ZZEF1: variants seen among roughly 807,000 people sequenced by gnomAD.
The protein encoded by ZZEF1 is zinc finger ZZ-type and EF-hand domain containing 1.
In ZZEF1, 157 loss-of-function variants were observed where a neutral mutation model predicts 342.8. That is an observed-to-expected ratio of 0.46 (90% CI 0.40 to 0.52). The LOEUF (loss-of-function observed/expected upper bound fraction) is 0.52. Ranked by LOEUF, ZZEF1 falls within the 20% of genes least tolerant of loss-of-function variation. The probability of loss-of-function intolerance (pLI) is 0.00; values close to 1 mark genes in which losing one functional copy is unlikely to be tolerated. For synonymous variants in ZZEF1, 1,505 were observed against 1,429.1 expected (o/e 1.05, Z -1.20); for missense variants, 3,480 against 3,725.6 (o/e 0.93, Z 1.72).
At chr17:4,107,477 C>G (rs575052201) in intron 6 of ZZEF1, among the ~76,000 whole-genome samples, 1 of 152,068 alleles carries the variant, frequency 6.6e-6, no homozygotes, top group South Asian at 2.1e-4. Context: ...CACAAAGGTA[C>G]GGCCTGATAT....
At chr17:4,060,577 AC>A (rs2057264252) in intron 30 of ZZEF1, among the ~76,000 whole-genome samples, 1 of 151,098 alleles carries the variant, frequency 6.6e-6, no homozygotes, top group African/African-American at 2.4e-5. Flanking sequence ...AACAACAACA[AC>A]AACAAAAAAC....
chr17:4,136,274 G>GCGC (rs2058746945), intron 1 of ZZEF1, among the ~76,000 whole-genome samples: 2 of 150,804 alleles, frequency 1.3e-5, no homozygotes, highest in Non-Finnish European at 3.0e-5. Flanking sequence ...AAACTGGGAG[G>GCGC]TGGAGGTTGC....
At chr17:4,029,402 AT>A (rs574277617) in intron 42 of ZZEF1, among the ~76,000 whole-genome samples, 138 of 152,286 alleles carry the variant, frequency 9.1e-4, no homozygotes, top group African/African-American at 3.1e-3. Flanking sequence ...CACAAGATAA[AT>A]TGGAAAATAT....
chr17:4,069,587 T>C (rs2057469045), intron 26 of ZZEF1, among the ~76,000 whole-genome samples: 2 of 152,108 alleles, frequency 1.3e-5, no homozygotes, highest in Non-Finnish European at 2.9e-5. Flanking sequence ...TCCCAGCACT[T>C]TGGGAGGCTG....
Position 4,095,995 on chromosome 17 carries a change from A to T in ZZEF1, c.1765-16T>A. The T allele has an allele frequency of 2.5e-6, 4 of 1,597,210 alleles. No homozygotes were observed. Among genetic ancestry groups the T allele is most frequent in the Non-Finnish European group, 3.4e-6 (4 of 1,170,196 alleles). On this transcript the variant is annotated splice_polypyrimidine_tract_variant and intron_variant, in intron 10 of 54. Coordinates refer to ENST00000381638, the MANE Select transcript of ZZEF1 (RefSeq NM_015113.4). ...CACGTCGAACCTGGAAACAGAGATT[A>T]GGATGAAGTCTATCAAAGGGGCAAA... is the stretch of plus-strand genomic sequence containing the variant.
At chr17:4,123,756 G>T in intron 2 of ZZEF1, 151 bp downstream of exon 2, 1 of 859,922 alleles carries the variant, frequency 1.2e-6, no homozygotes, top group Non-Finnish European at 1.7e-6. Context: ...GGATGAAAGA[G>T]ATGACTAAAG....
intron 32 of ZZEF1, among the ~76,000 whole-genome samples, chr17:4,057,307 G>A (rs539262284): frequency 1.1e-4 from 16 of 152,306 alleles, no homozygotes; most frequent in Admixed American, 2.6e-4. Context: ...CTAAAGAGAC[G>A]GCTCTAATTC....
rs1469488028 is a variant in ZZEF1 at position 4,072,743 on chromosome 17, G to A, written c.3699C>T (p.Asn1233=). Residue 1233 remains asparagine, a synonymous_variant, in exon 25 of 55, where the codon AAC becomes AAT. Coordinates refer to ENST00000381638, the MANE Select transcript of ZZEF1 (RefSeq NM_015113.4). ...ALKSVRQLGS[N]MVVPQAKMAL... ...CCATTTTTGCCTGAGGTACTACCAT[G>A]TTACTTCCTAACTCTAGAAAGAGAA... 6.2e-7 allele frequency: 1 copy of A among 1,611,882 alleles called. No individual in the cohort carries two copies. Among genetic ancestry groups the A allele is most frequent in the Non-Finnish European group, 8.5e-7 (1 of 1,178,800 alleles).
intron 1 of ZZEF1, among the ~76,000 whole-genome samples, chr17:4,134,775 A>G (rs1022017035): frequency 1.3e-5 from 2 of 152,158 alleles, no homozygotes; most frequent in African/African-American, 4.8e-5. Flanking sequence ...ATGGGCCAAC[A>G]GACACTCCAG....
intron 37 of ZZEF1, among the ~76,000 whole-genome samples, chr17:4,045,291 A>G (rs1019301207): frequency 2.0e-5 from 3 of 152,252 alleles, no homozygotes; most frequent in Admixed American, 6.5e-5. Flanking sequence ...GAAACCAAGC[A>G]TGGAAAGTTG....
At position 4,014,393 on chromosome 17, in the gene ZZEF1, G is replaced by C. The variant is rs933963310; in HGVS notation, c.8268C>G (p.His2756Gln). 4 of 1,614,134 alleles carry C rather than the reference G, an allele frequency of 2.5e-6. No homozygotes were observed. Among genetic ancestry groups the C allele is most frequent in the Non-Finnish European group, 2.5e-6 (3 of 1,180,056 alleles). The change falls in exon 50 of 55, where the codon CAC becomes CAG. Residue 2756 changes from histidine to glutamine, a missense_variant. Physicochemically the swap from His to Gln is conservative, Grantham distance 24. Coordinates refer to ENST00000381638, the MANE Select transcript of ZZEF1 (RefSeq NM_015113.4). This position sits in a 1 kb window ranked among gnomAD's most constrained non-coding sequence, Gnocchi z 4.4. ...ACTTCTGCTGAGACCCGCTGAAGCTGTGTCGGTCTTGCTGGAAGTCACTGC... is the reference window on the plus strand; with the variant it reads ...ACTTCTGCTGAGACCCGCTGAAGCTCTGTCGGTCTTGCTGGAAGTCACTGC... ...SSSSDFQQDR[H>Q]SFSGSQQKWK...
intron 19 of ZZEF1, 81 bp downstream of exon 19, chr17:4,077,802 G>C (rs1291398384): frequency 7.0e-7 from 1 of 1,435,308 alleles, no homozygotes; most frequent in East Asian, 2.3e-5. Context: ...CACACTCATT[G>C]CATGAGTTAC....
chr17:4,066,671 T>C (rs2057405333), intron 27 of ZZEF1, 131 bp from the exon 28 acceptor site: 1 of 768,548 alleles, frequency 1.3e-6, no homozygotes, highest in Admixed American at 2.3e-5. Context: ...TTAGAGGGGT[T>C]TGTAATACTC....
intron 11 of ZZEF1, among the ~76,000 whole-genome samples, chr17:4,092,276 T>C (rs1171411441): frequency 6.7e-6 from 1 of 149,234 alleles, no homozygotes; most frequent in African/African-American, 2.5e-5. Flanking sequence ...GAGTAGGTTC[T>C]GTAACAGAGA....
Position 4,066,510 on chromosome 17 carries a change from G to A in ZZEF1, c.4186C>T (p.Leu1396=). The change falls in exon 28 of 55, where the codon CTG becomes TTG. Residue 1396 remains leucine, a synonymous_variant. Transcript: ENST00000381638. ...LEMKQKSLMS[L]GNEAEEKHSS... is the part of the protein sequence containing the mutation. ...TGTTTTTCTTCTGCTTCATTCCCCA[G>A]GCTCATCAGGGACTTCTGCTTCATC... is the stretch of plus-strand genomic sequence containing the variant. The A allele has an allele frequency of 6.2e-7, 1 of 1,614,112 alleles. No homozygotes were observed. The highest frequency in any genetic ancestry group is 8.5e-7 in the Non-Finnish European group (1 of 1,180,016).
rs1042144654 is a variant in ZZEF1, at chr17:4,127,014, T to TTA, written c.355-2964_355-2963insTA. On this transcript the variant is annotated intron_variant, in intron 1 of 54. Transcript: ENST00000381638. ...AAAAAGCAGAACTGACTGGATTTTTTTTTTTTTTTTGAGAAAACAATCTTG... is the reference window on the plus strand; with the variant it reads ...AAAAAGCAGAACTGACTGGATTTTTTTATTTTTTTTTTGAGAAAACAATCTTG... Among the ~76,000 whole-genome samples the TTA allele has an allele frequency of 8.5e-5, 13 of 152,158 alleles. 1 individual carries two copies. In the South Asian group the frequency reaches 2.7e-3, roughly 32 times the overall value.
At chr17:4,071,625 C>T (rs2057510491) in intron 25 of ZZEF1, among the ~76,000 whole-genome samples, 1 of 152,126 alleles carries the variant, frequency 6.6e-6, no homozygotes, top group South Asian at 2.1e-4. Flanking sequence ...ATCCACAGGA[C>T]CTGCAAGCTG....
chr17:4,069,860 G>T (rs1016842212), intron 26 of ZZEF1, among the ~76,000 whole-genome samples: 3 of 150,076 alleles, frequency 2.0e-5, no homozygotes, highest in Non-Finnish European at 4.5e-5. Flanking sequence ...AACAAAATGA[G>T]CAACAGTCAA....
chr17:4,077,816 A>G (rs2145312241), intron 19 of ZZEF1, 67 bp downstream of exon 19: 2 of 1,548,262 alleles, frequency 1.3e-6, no homozygotes, highest in Non-Finnish European at 1.8e-6. Context: ...GAGTTACTAA[A>G]GAAGAGAACA....
Sources: allele counts gnomAD v4.1 joint callset (sites outside exome capture counted in the v4.1 genomes callset), GRCh38; gene constraint gnomAD v4.1.1; non-coding constraint Gnocchi (gnomAD v3.1); transcripts MANE v1.5; gene names NCBI Gene and HGNC (gene_info 2026-07-23, HGNC 2026-07-21).